The following PCNT variants were observed in gnomAD, a reference collection of about 807,000 sequenced individuals.
PCNT encodes the protein kendrin.
In PCNT, 319 loss-of-function variants were observed where a neutral mutation model predicts 380.4. The ratio of observed to expected loss-of-function variants is 0.84; its 90% CI spans 0.77 to 0.92. The LOEUF is 0.92. Ranked by LOEUF, PCNT falls within the 40% of genes least tolerant of loss-of-function variation. The pLI is 0.00. For synonymous variants in PCNT, 1,845 were observed against 1,735.2 expected (o/e 1.06, Z -1.57); for missense variants, 4,400 against 4,255.3 (o/e 1.03, Z -0.95).
At chr21:46,324,488 G>C (rs1439047186) in intron 1 of PCNT, among the ~76,000 whole-genome samples, 1 of 150,820 alleles carries the variant, frequency 6.6e-6, no homozygotes, top group African/African-American at 2.4e-5. Flanking sequence ...TCCCGCCCCC[G>C]CCGCGGCCAC....
rs1188290754 is a variant in PCNT, at chr21:46,334,501, C to A, written c.372C>A (p.Asp124Glu). 1 of 1,610,132 alleles carries A rather than the reference C, an allele frequency of 6.2e-7. No individual in the cohort carries two copies. Among genetic ancestry groups the A allele is most frequent in the Admixed American group, 1.7e-5 (1 of 59,928 alleles). Residue 124 changes from aspartate to glutamate, a missense_variant, in exon 3 of 47, where the codon GAC (aspartate) becomes GAA (glutamate). By Grantham distance (45) the Asp-to-Glu change is conservative (BLOSUM62 2). Coordinates refer to ENST00000359568, the MANE Select transcript of PCNT (RefSeq NM_006031.6). ...PEQCGMFTVS[D>E]HPPEQHGMFT... is the part of the protein sequence containing the mutation. ...AGTGTGGGATGTTCACAGTCAGTGA[C>A]CACCCACCAGAACAGCATGGGATGT...
intron 2 of PCNT, among the ~76,000 whole-genome samples, chr21:46,327,358 C>T (rs1394674062): frequency 6.6e-6 from 1 of 151,876 alleles, no homozygotes; most frequent in East Asian, 2.0e-4. Flanking sequence ...CGTGCCCGGC[C>T]TATGGTTTTA....
At position 46,427,647 on chromosome 21, in the gene PCNT, G is replaced by A; in HGVS notation, c.7346G>A (p.Trp2449Ter). 2 of 1,613,994 alleles carry A rather than the reference G, an allele frequency of 1.2e-6. No homozygotes were observed. Among genetic ancestry groups the A allele is most frequent in the Non-Finnish European group, 1.7e-6 (2 of 1,180,038 alleles). ...TQEVPTACPD[W>*]RGDLLQVVQE... is the part of the protein sequence containing the mutation. Reference sequence around the variant, plus strand: ...GAAGTGCCCACCGCGTGCCCCGATTGGAGAGGGGACCTTCTGCAGGTTGTG... The same window carrying A: ...GAAGTGCCCACCGCGTGCCCCGATTAGAGAGGGGACCTTCTGCAGGTTGTG... Residue 2449 changes from tryptophan (W) to a stop codon, truncating the protein, a stop_gained, in exon 34 of 47, where the codon TGG becomes TAG. Coordinates refer to ENST00000359568, the MANE Select transcript of PCNT (RefSeq NM_006031.6). LOFTEE classifies it high-confidence loss of function.
At chr21:46,336,956 CT>C (rs1250235137) in intron 3 of PCNT, among the ~76,000 whole-genome samples, 1 of 150,462 alleles carries the variant, frequency 6.6e-6, no homozygotes, top group Non-Finnish European at 1.5e-5. Flanking sequence ...CATTTATTTA[CT>C]TTAAAAAAAA....
chr21:46,403,252 C>G (rs1411179401), intron 27 of PCNT, among the ~76,000 whole-genome samples: 3 of 132,476 alleles, frequency 2.3e-5, no homozygotes, highest in Non-Finnish European at 4.9e-5. Context: ...GGTGAATGAA[C>G]ACAGCGTGGG....
At position 46,334,321 on chromosome 21, in the gene PCNT, G is replaced by A. The variant is rs1195435642; in HGVS notation, c.268-76G>A. On this transcript the variant is annotated intron_variant, in intron 2 of 46. Transcript: ENST00000359568. ...TGAAGTCAGCACAGGCCTGCAGATAGAGGAGCTGGGAAGGGCCTGAGGCTG... is the reference window on the plus strand; with the variant it reads ...TGAAGTCAGCACAGGCCTGCAGATAAAGGAGCTGGGAAGGGCCTGAGGCTG... The A allele has an allele frequency of 1.9e-5, 31 of 1,605,484 alleles. No individual in the cohort carries two copies. The East Asian group carries it at 6.7e-4, about 35-fold the overall frequency.
intron 31 of PCNT, among the ~76,000 whole-genome samples, chr21:46,418,579 G>C (rs1863244700): frequency 6.6e-6 from 1 of 152,234 alleles, no homozygotes; most frequent in Non-Finnish European, 1.5e-5. Flanking sequence ...TACAGCTACA[G>C]ACCTTGCTCA....
intron 2 of PCNT, 137 bp from the exon 3 acceptor site, chr21:46,334,260 G>A (rs559874235): frequency 6.2e-5 from 73 of 1,176,194 alleles, no homozygotes; most frequent in Middle Eastern, 2.8e-4. Flanking sequence ...GAAGGTGCAC[G>A]TTCTGAACAG....
At chr21:46,362,486 G>A (rs932325449) in intron 13 of PCNT, among the ~76,000 whole-genome samples, 27 of 152,168 alleles carry the variant, frequency 1.8e-4, no homozygotes, top group African/African-American at 6.3e-4. Flanking sequence ...TGGAGGGCTG[G>A]TCTGGCGAGG....
intron 27 of PCNT, among the ~76,000 whole-genome samples, chr21:46,403,829 C>G (rs13052723): frequency 9.8e-6 from 1 of 101,538 alleles, no homozygotes; most frequent in Non-Finnish European, 1.9e-5. Context: ...CTCGGTGAAT[C>G]AACTCAGCGT....
chr21:46,441,387 TC>T (rs2053602596), intron 43 of PCNT, among the ~76,000 whole-genome samples: 1 of 152,106 alleles, frequency 6.6e-6, no homozygotes, highest in African/African-American at 2.4e-5. Context: ...AAACTGTTTT[TC>T]CCCCTAAACA....
Position 46,349,723 on chromosome 21 carries a change from T to C in PCNT, c.1247T>C (p.Ile416Thr). 6.2e-7 allele frequency: 1 copy of C among 1,613,916 alleles called. No individual in the cohort carries two copies. The highest frequency in any genetic ancestry group is 8.5e-7 in the Non-Finnish European group (1 of 1,179,846). Residue 416 changes from isoleucine to threonine, a missense_variant, in exon 8 of 47, where the codon ATT (isoleucine) becomes ACT (threonine). Transcript: ENST00000359568. ...RNLESHHQAA[I>T]EKLREDLQSE... Reference sequence around the variant, plus strand: ...CTGGAGAGTCATCATCAAGCAGCCATTGAGAAGTTACGTGAAGACCTGCAG... The same window carrying C: ...CTGGAGAGTCATCATCAAGCAGCCACTGAGAAGTTACGTGAAGACCTGCAG...
Position 46,411,424 on chromosome 21 carries a change from G to C in PCNT, c.5351G>C (p.Arg1784Pro), listed in dbSNP as rs139624079. 2 of 1,612,864 alleles carry C rather than the reference G, an allele frequency of 1.2e-6. No individual in the cohort carries two copies. The highest frequency in any genetic ancestry group is 2.7e-5 in the African/African-American group (2 of 75,070). The stretch of plus-strand genomic sequence containing the variant: ...CTCTGCTCCCAGGCCGGGGGCCCTC[G>C]TGGGCAGGCCCTACAGGGCGAGCTC... The part of the protein sequence containing the change: ...ELLCSQAGGP[R>P]GQALQGELEA... Residue 1784 changes from arginine to proline, a missense_variant, in exon 28 of 47, where the codon CGT becomes CCT. Transcript: ENST00000359568.
intron 26 of PCNT, 43 bp downstream of exon 26, chr21:46,401,764 G>A (rs558285310): frequency 6.2e-7 from 1 of 1,600,538 alleles, no homozygotes; most frequent in Non-Finnish European, 8.6e-7. Context: ...CCCTGGGTCA[G>A]TGTCCAGTGG....
chr21:46,413,264 T>C lies in PCNT; in HGVS notation c.6150+272T>C, dbSNP rs13050330. On this transcript the variant is annotated intron_variant, in intron 29 of 46. Transcript: ENST00000359568. ...GGAGGGGGAAGGCGTGAGGCCCCCCTGGGAGAGGCTGGACACGCGGCAGCA... is the reference window on the plus strand; with the variant it reads ...GGAGGGGGAAGGCGTGAGGCCCCCCCGGGAGAGGCTGGACACGCGGCAGCA... 2.0e-3 allele frequency among the ~76,000 whole-genome samples: 211 copies of C among 106,218 alleles called. 5 individuals carry two copies. In the East Asian group the frequency reaches 0.02, roughly 10 times the overall value. The allele number at this position is 106,218 out of a possible 152,430, so 69.7% of individuals were successfully genotyped here. A position where few individuals can be genotyped will look rare whatever the true frequency, so the allele number is the denominator to read the frequency against.
At chr21:46,368,761 A>G (rs1569210094) in intron 15 of PCNT, among the ~76,000 whole-genome samples, 1 of 152,236 alleles carries the variant, frequency 6.6e-6, no homozygotes, top group Non-Finnish European at 1.5e-5. Flanking sequence ...TGGATGGGGC[A>G]TGGGCTAGAG....
At position 46,440,847 on chromosome 21, in the gene PCNT, T is replaced by C. The variant is rs553883958; in HGVS notation, c.9394-8T>C. On this transcript the variant is annotated splice_polypyrimidine_tract_variant and splice_region_variant and intron_variant, in intron 42 of 46. Transcript: ENST00000359568. The stretch of plus-strand genomic sequence containing the variant: ...TATGATAAAATTTTACTGCTTTTTT[T>C]CTTTTAGATGGAAAAATTGTACCTG... 5.1e-6 allele frequency: 8 copies of C among 1,563,438 alleles called. 1 individual carries two copies. In the South Asian group the frequency reaches 7.8e-5, roughly 15 times the overall value.
intron 37 of PCNT, 168 bp downstream of exon 37, chr21:46,430,825 G>C: frequency 1.0e-6 from 1 of 985,470 alleles, no homozygotes; most frequent in South Asian, 4.7e-5. Context: ...ATTGCACCTT[G>C]GTGTAGTGGC....
At chr21:46,350,192 A>T (rs923418146) in intron 8 of PCNT, among the ~76,000 whole-genome samples, 1 of 152,216 alleles carries the variant, frequency 6.6e-6, no homozygotes, top group African/African-American at 2.4e-5. Context: ...CAAATAAATA[A>T]AATAAAATGA....
Sources: allele counts gnomAD v4.1 joint callset (sites outside exome capture counted in the v4.1 genomes callset), GRCh38; gene constraint gnomAD v4.1.1; transcripts MANE v1.5; gene names NCBI Gene and HGNC (gene_info 2026-07-23, HGNC 2026-07-21).